The following OSBPL8 variants were observed in gnomAD, a reference collection of about 807,000 sequenced individuals.
OSBPL8 encodes the protein oxysterol-binding protein-related protein 8.
Under a neutral mutation model 125.5 loss-of-function variants are expected in OSBPL8, and 59 were observed. The ratio of observed to expected loss-of-function variants is 0.47; its 90% CI spans 0.38 to 0.58. The LOEUF (loss-of-function observed/expected upper bound fraction) is 0.58. Among genes scored for constraint, OSBPL8 ranks in the 20% least tolerant of loss-of-function variants. OSBPL8 has a pLI of 0.00. For missense variants in OSBPL8, 758 were observed against 1,047.8 expected, an observed-to-expected ratio of 0.72 and a Z score of 3.82; for synonymous variants, 330 against 338.9, an observed-to-expected ratio of 0.97 and a Z score of 0.29.
intron 4 of OSBPL8, among the ~76,000 whole-genome samples, chr12:76,425,696 G>A (rs561229583): frequency 1.3e-5 from 2 of 152,268 alleles, no homozygotes; most frequent in East Asian, 1.9e-4. Flanking sequence ...GTTCCTTCAA[G>A]CTGATGTTTG....
chr12:76,400,531 G>A (rs956639353), intron 6 of OSBPL8, among the ~76,000 whole-genome samples: 3 of 152,002 alleles, frequency 2.0e-5, no homozygotes, highest in African/African-American at 7.3e-5. Context: ...GGGATTGCTA[G>A]GTCGAATGGT....
At position 76,378,445 on chromosome 12, in the gene OSBPL8, T is replaced by C. The variant is rs117498716; in HGVS notation, c.1729+7A>G. 2,111 of 1,524,958 alleles carry C rather than the reference T, an allele frequency of 1.4e-3. 4 individuals carry two copies. Among genetic ancestry groups the C allele is most frequent in the Non-Finnish European group, 1.7e-3 (1,942 of 1,116,868 alleles). 94.5% of individuals were successfully genotyped at this position (1,524,958 alleles called of 1,614,324 possible). A position where few individuals can be genotyped will look rare whatever the true frequency, so the allele number is the denominator to read the frequency against. On this transcript the variant is annotated splice_region_variant and intron_variant, in intron 16 of 23. Coordinates refer to ENST00000261183, the MANE Select transcript of OSBPL8 (RefSeq NM_020841.5). The stretch of plus-strand genomic sequence containing the variant: ...TAATATCTAATTCAAGTATAGAAAA[T>C]ATTTACCTTTACAATGAGCGTATGG...
chr12:76,432,437 C>T lies in OSBPL8; in HGVS notation c.217+18414G>A, dbSNP rs1023573609. On this transcript the variant is annotated intron_variant, in intron 4 of 23. Transcript: ENST00000261183. ...TCTACAAAAAATTTTAAAAATTAGC[C>T]GGGTGTGGTGGCACATGCCTGTAGT... Among the ~76,000 whole-genome samples the T allele has an allele frequency of 1.2e-4, 18 of 152,028 alleles. No individual in the cohort carries two copies. In the East Asian group the frequency reaches 3.1e-3, roughly 26 times the overall value.
At position 76,454,636 on chromosome 12, in the gene OSBPL8, T is replaced by C. The variant is rs564261962; in HGVS notation, c.80-3648A>G. Reference sequence around the variant, plus strand: ...AGGGAGGCTGAGGTGGGAGCATCACTTGAGCCCAGGTGTTCAAAGCTGCAG... The same window carrying C: ...AGGGAGGCTGAGGTGGGAGCATCACCTGAGCCCAGGTGTTCAAAGCTGCAG... On this transcript the variant is annotated intron_variant, in intron 3 of 23. Transcript: ENST00000261183. 1.6e-4 allele frequency among the ~76,000 whole-genome samples: 25 copies of C among 151,800 alleles called. No individual in the cohort carries two copies. The South Asian group carries it at 5.0e-3, about 30-fold the overall frequency.
At position 76,450,884 on chromosome 12, in the gene OSBPL8, G is replaced by T. The variant is rs1235715945; in HGVS notation, c.184C>A (p.Pro62Thr). Residue 62 changes from proline to threonine, a missense_variant, in exon 4 of 24, where the codon CCA becomes ACA. Transcript: ENST00000261183. The stretch of plus-strand genomic sequence containing the variant: ...TGAGGACTTGCTGGACTAAGAGATG[G>T]CTGATGCAAATCTTTGGTTGGCGTT... ...YPTPTKDLHQ[P>T]SLSPASPHSQ... is the part of the protein sequence containing the mutation. 6.2e-7 allele frequency: 1 copy of T among 1,613,352 alleles called. No individual in the cohort carries two copies. The highest frequency in any genetic ancestry group is 1.3e-5 in the African/African-American group (1 of 74,988).
At chr12:76,395,948 C>T (rs781430986) in intron 8 of OSBPL8, among the ~76,000 whole-genome samples, 20 of 150,856 alleles carry the variant, frequency 1.3e-4, no homozygotes, top group Non-Finnish European at 2.8e-4. Context: ...TCATTAATGG[C>T]TTAAAAATTT....
intron 2 of OSBPL8, among the ~76,000 whole-genome samples, chr12:76,479,364 A>G (rs1877194650): frequency 6.6e-6 from 1 of 152,222 alleles, no homozygotes; most frequent in Non-Finnish European, 1.5e-5. Flanking sequence ...TTTAAAAATT[A>G]AAATAGAAGA....
At chr12:76,476,619 A>G (rs1422908807) in intron 2 of OSBPL8, among the ~76,000 whole-genome samples, 3 of 152,202 alleles carry the variant, frequency 2.0e-5, no homozygotes, top group African/African-American at 7.2e-5. Context: ...TGGAAAATAT[A>G]CATAAGTTAA....
intron 7 of OSBPL8, 121 bp downstream of exon 7, chr12:76,399,752 A>G (rs770147343): frequency 8.6e-5 from 52 of 606,216 alleles, no homozygotes; most frequent in Non-Finnish European, 1.3e-4. Context: ...TTTCTTTGCC[A>G]GTGAAAAACA....
intron 2 of OSBPL8, among the ~76,000 whole-genome samples, chr12:76,463,932 T>C (rs944364139): frequency 2.0e-5 from 3 of 152,218 alleles, no homozygotes; most frequent in African/African-American, 7.2e-5. Flanking sequence ...TGGGTCAAAT[T>C]TGTATAGTAC....
In OSBPL8 at chr12:76,475,941, T is replaced by C. The variant is rs1290105090; in HGVS notation, c.42+11569A>G. On this transcript the variant is annotated intron_variant, in intron 2 of 23. Transcript: ENST00000261183. The stretch of plus-strand genomic sequence containing the variant: ...GTGCGTGTACACACATGCAGTACTG[T>C]TGCAGTACACACATACCAAATGCAG... 3.3e-5 allele frequency among the ~76,000 whole-genome samples: 5 copies of C among 152,324 alleles called. No homozygotes were observed. The East Asian group carries it at 9.6e-4, about 29-fold the overall frequency.
intron 3 of OSBPL8, among the ~76,000 whole-genome samples, chr12:76,456,840 C>T (rs1484117420): frequency 6.6e-6 from 1 of 151,934 alleles, no homozygotes; most frequent in Non-Finnish European, 1.5e-5. Context: ...TTATTGATAC[C>T]ATAAGTTTAT....
intron 1 of OSBPL8, among the ~76,000 whole-genome samples, chr12:76,493,133 A>G (rs1878910132): frequency 6.6e-6 from 1 of 152,100 alleles, no homozygotes; most frequent in East Asian, 1.9e-4. Context: ...GCCTTCTCTG[A>G]GTCTTTGTTT....
intron 21 of OSBPL8, among the ~76,000 whole-genome samples, chr12:76,368,947 T>A (rs1952517616): frequency 6.6e-6 from 1 of 152,142 alleles, no homozygotes; most frequent in South Asian, 2.1e-4. Flanking sequence ...GCAGGTAAAA[T>A]GCCACAAAGC....
chr12:76,427,915 T>C (rs997176010), intron 4 of OSBPL8, among the ~76,000 whole-genome samples: 1 of 151,962 alleles, frequency 6.6e-6, no homozygotes, highest in African/African-American at 2.4e-5. Flanking sequence ...ATTAAATAGG[T>C]CAGGATAGAA....
At chr12:76,551,538 T>C (rs926782379) in intron 1 of OSBPL8, among the ~76,000 whole-genome samples, 2 of 152,160 alleles carry the variant, frequency 1.3e-5, no homozygotes, top group Admixed American at 1.3e-4. Context: ...TTGTATAGAT[T>C]TTCTCTGTTC....
intron 2 of OSBPL8, among the ~76,000 whole-genome samples, chr12:76,467,007 TA>T (rs1245988902): frequency 6.6e-6 from 1 of 152,174 alleles, no homozygotes; most frequent in African/African-American, 2.4e-5. Context: ...ATCTGGAAAT[TA>T]CAGTTAATTT....
At chr12:76,466,729 C>T (rs1347726396) in intron 2 of OSBPL8, among the ~76,000 whole-genome samples, 2 of 152,076 alleles carry the variant, frequency 1.3e-5, no homozygotes, top group African/African-American at 2.4e-5. Flanking sequence ...GAGGCCGAAG[C>T]GGGTGGATCA....
intron 1 of OSBPL8, among the ~76,000 whole-genome samples, chr12:76,534,703 CAA>C (rs1284350463): frequency 1.3e-5 from 2 of 152,052 alleles, no homozygotes; most frequent in African/African-American, 2.4e-5. Flanking sequence ...GTAAACTATG[CAA>C]AGTTTTTTTA....
Sources: allele counts gnomAD v4.1 joint callset (sites outside exome capture counted in the v4.1 genomes callset), GRCh38; gene constraint gnomAD v4.1.1; transcripts MANE v1.5; gene names NCBI Gene and HGNC (gene_info 2026-07-23, HGNC 2026-07-21).